COG5: variants seen among roughly 807,000 people sequenced by gnomAD.
COG5 encodes the protein conserved oligomeric Golgi complex subunit 5.
Under a neutral mutation model 110.4 loss-of-function variants are expected in COG5, and 86 were observed. The observed-to-expected ratio is 0.78, with a 90% CI of 0.65 to 0.93. The LOEUF is 0.93. COG5 is among the 40% of genes least tolerant of loss of function. The pLI, the probability that COG5 is intolerant of heterozygous loss-of-function variation, is 0.00. For missense variants in COG5, 1,077 were observed against 987.0 expected (o/e 1.09, Z -1.22); for synonymous variants, 360 against 334.6 (o/e 1.08, Z -0.83).
At chr7:107,347,131 A>G (rs1295196276) in intron 10 of COG5, among the ~76,000 whole-genome samples, 1 of 152,214 alleles carries the variant, frequency 6.6e-6, no homozygotes, top group African/African-American at 2.4e-5. Context: ...AAATAAGTTG[A>G]TTCACTCAAA....
At chr7:107,289,575 G>GAT (rs549510428) in intron 12 of COG5, among the ~76,000 whole-genome samples, 37 of 152,176 alleles carry the variant, frequency 2.4e-4, no homozygotes, top group African/African-American at 8.4e-4. Context: ...GTACTGAATC[G>GAT]ATATATATCA....
At chr7:107,258,651 T>C (rs1803077078) in intron 14 of COG5, 1 of 489,382 alleles carries the variant, frequency 2.0e-6, no homozygotes, top group Non-Finnish European at 3.7e-6. Context: ...GCTCCATTTA[T>C]ACTTCACAGC....
intron 14 of COG5, among the ~76,000 whole-genome samples, chr7:107,268,475 G>A (rs1292284633): frequency 6.6e-6 from 1 of 152,156 alleles, no homozygotes; most frequent in Non-Finnish European, 1.5e-5. Flanking sequence ...CACTATATTC[G>A]TCATTCTATG....
At chr7:107,289,976 C>T (rs571793042) in intron 12 of COG5, among the ~76,000 whole-genome samples, 1 of 152,302 alleles carries the variant, frequency 6.6e-6, no homozygotes, top group South Asian at 2.1e-4. Flanking sequence ...TGGAAGGCCA[C>T]ATCTCTCTCC....
At chr7:107,404,885 G>GAAAAAAA (rs59988899) in intron 7 of COG5, among the ~76,000 whole-genome samples, 11 of 32,364 alleles carry the variant, frequency 3.4e-4, no homozygotes, top group Middle Eastern at 0.025. Flanking sequence ...TTCAGAAGAT[G>GAAAAAAA]AAAAAAAAAA....
At chr7:107,233,424 T>G (rs1440311771) in intron 18 of COG5, among the ~76,000 whole-genome samples, 1 of 152,224 alleles carries the variant, frequency 6.6e-6, no homozygotes, top group Non-Finnish European at 1.5e-5. Flanking sequence ...GGATGTCAGG[T>G]ACTTCCCTCA....
intron 5 of COG5, among the ~76,000 whole-genome samples, chr7:107,529,125 A>G (rs1430896532): frequency 1.3e-5 from 2 of 151,894 alleles, no homozygotes; most frequent in Non-Finnish European, 2.9e-5. Context: ...TTTTCTGAAT[A>G]GATAATACAA....
At chr7:107,454,424 T>C (rs566191114) in intron 6 of COG5, among the ~76,000 whole-genome samples, 5 of 152,294 alleles carry the variant, frequency 3.3e-5, no homozygotes, top group African/African-American at 1.2e-4. Flanking sequence ...GAAAAAATAA[T>C]AGAACAAATT....
intron 6 of COG5, among the ~76,000 whole-genome samples, chr7:107,517,574 A>C (rs772815975): frequency 3.9e-5 from 6 of 152,316 alleles, no homozygotes; most frequent in Admixed American, 6.5e-5. Flanking sequence ...TTGAAGGAAA[A>C]AATGTTAAGA....
chr7:107,333,401 G>A (rs928532693), intron 10 of COG5, among the ~76,000 whole-genome samples: 1 of 152,016 alleles, frequency 6.6e-6, no homozygotes, highest in Non-Finnish European at 1.5e-5. Context: ...CCCTATACAT[G>A]TACAACCCTA....
At chr7:107,529,629 T>C (rs1427875537) in intron 5 of COG5, among the ~76,000 whole-genome samples, 1 of 152,194 alleles carries the variant, frequency 6.6e-6, no homozygotes, top group African/African-American at 2.4e-5. Context: ...GGGAAGAATC[T>C]TGGGAAAGGA....
chr7:107,401,422 A>C (rs1176225713), intron 7 of COG5, among the ~76,000 whole-genome samples: 5 of 152,196 alleles, frequency 3.3e-5, no homozygotes, highest in Non-Finnish European at 5.9e-5. Context: ...ATTATTATTT[A>C]TACATGTCAT....
Position 107,201,771 on chromosome 7 carries a change from G to T in COG5, c.*1745C>A. 4.7e-6 allele frequency: 1 copy of T among 212,620 alleles called. No homozygotes were observed. Among genetic ancestry groups the T allele is most frequent in the Admixed American group, 5.8e-5 (1 of 17,388 alleles). The allele number at this position is 212,620 out of a possible 1,614,324, so 13.2% of individuals were successfully genotyped here. On this transcript the variant is annotated 3_prime_UTR_variant, in exon 22 of 22. Coordinates refer to ENST00000297135, the MANE Select transcript of COG5 (RefSeq NM_006348.5). Reference sequence around the variant, plus strand: ...GTGTATACATGTTTTATTTTAAATTGTACGAAAGGGGAATTTAAAAAATAT... The same window carrying T: ...GTGTATACATGTTTTATTTTAAATTTTACGAAAGGGGAATTTAAAAAATAT...
chr7:107,455,027 T>C (rs2129096334), intron 6 of COG5, among the ~76,000 whole-genome samples: 1 of 152,298 alleles, frequency 6.6e-6, no homozygotes, highest in South Asian at 2.1e-4. Flanking sequence ...TAAAACACCT[T>C]ATACCTAAGT....
At chr7:107,434,622 TAAAAAG>T (rs1338709940) in intron 6 of COG5, among the ~76,000 whole-genome samples, 19 of 151,720 alleles carry the variant, frequency 1.3e-4, no homozygotes, top group Admixed American at 1.2e-3. Flanking sequence ...TAAAAAAAGA[TAAAAAG>T]AAAAAGAAAA....
intron 9 of COG5, 59 bp downstream of exon 9, chr7:107,362,249 T>G (rs775694956): frequency 6.9e-6 from 10 of 1,456,430 alleles, no homozygotes; most frequent in Non-Finnish European, 9.6e-6. Flanking sequence ...GGTCACACAA[T>G]TTGGAATAAC....
intron 14 of COG5, among the ~76,000 whole-genome samples, chr7:107,270,649 C>T (rs1010679258): frequency 6.6e-6 from 1 of 151,798 alleles, no homozygotes; most frequent in African/African-American, 2.4e-5. Context: ...ACACACACCC[C>T]TTTACTCCTT....
intron 10 of COG5, among the ~76,000 whole-genome samples, chr7:107,336,200 T>G (rs560545693): frequency 6.6e-6 from 1 of 152,374 alleles, no homozygotes; most frequent in African/African-American, 2.4e-5. Flanking sequence ...ATATACCCAG[T>G]AGAATATTAT....
chr7:107,208,964 T>C lies in COG5; in HGVS notation c.2375+1562A>G, dbSNP rs546303021. 3.2e-4 allele frequency: 316 copies of C among 981,282 alleles called. No individual in the cohort carries two copies. The African/African-American group carries it at 5.1e-3, about 16-fold the overall frequency. 60.8% of individuals were successfully genotyped at this position (981,282 alleles called of 1,614,324 possible). ...CACCCTGGACCTTCTTGGGGAGCTA[T>C]AGAGAAATCCTGATAGCAGGCCTAC... On this transcript the variant is annotated intron_variant, in intron 21 of 21. Transcript: ENST00000297135.
Sources: allele counts gnomAD v4.1 joint callset (sites outside exome capture counted in the v4.1 genomes callset), GRCh38; gene constraint gnomAD v4.1.1; transcripts MANE v1.5; gene names NCBI Gene and HGNC (gene_info 2026-07-23, HGNC 2026-07-21).